PDE1C: variants seen among roughly 807,000 people sequenced by gnomAD.
The protein encoded by PDE1C is dual specificity calcium/calmodulin-dependent 3',5'-cyclic nucleotide phosphodiesterase 1C.
PDE1C carries 62 observed loss-of-function variants against 93.1 expected under a neutral mutation model. The observed-to-expected ratio is 0.67, with a 90% CI of 0.54 to 0.82. The LOEUF (loss-of-function observed/expected upper bound fraction) is 0.82. Among genes scored for constraint, PDE1C ranks in the 40% least tolerant of loss-of-function variants. The probability of loss-of-function intolerance (pLI) is 0.00; values close to 1 mark genes in which losing one functional copy is unlikely to be tolerated. For synonymous variants in PDE1C, 325 were observed against 310.1 expected, an observed-to-expected ratio of 1.05 and a Z score of -0.50; for missense variants, 742 against 884.6, an observed-to-expected ratio of 0.84 and a Z score of 2.04.
At chr7:31,774,898 A>C (rs1044160583) in intron 17 of PDE1C, among the ~76,000 whole-genome samples, 1 of 152,076 alleles carries the variant, frequency 6.6e-6, no homozygotes, top group Non-Finnish European at 1.5e-5. Flanking sequence ...CATTTTTTAA[A>C]TTTTCTTCAA....
intron 2 of PDE1C, among the ~76,000 whole-genome samples, chr7:31,961,591 T>C (rs987537306): frequency 6.6e-6 from 1 of 152,022 alleles, no homozygotes; most frequent in Non-Finnish European, 1.5e-5. Flanking sequence ...AGGAGACGGG[T>C]TGATTAGACT....
intron 13 of PDE1C, 125 bp downstream of exon 13, chr7:31,824,742 A>T (rs183268310): frequency 7.9e-7 from 1 of 1,261,530 alleles, no homozygotes; most frequent in Non-Finnish European, 1.1e-6. Context: ...AGGCAGACAA[A>T]TTTTTCTGAG....
chr7:31,915,316 T>G (rs368096485), intron 2 of PDE1C, among the ~76,000 whole-genome samples: 19 of 152,232 alleles, frequency 1.2e-4, no homozygotes, highest in African/African-American at 4.6e-4. Flanking sequence ...TGGCCTCCAG[T>G]ATTTCCAACA....
At chr7:32,423,332 G>A (rs1583437982) in intron 1 of PDE1C, among the ~76,000 whole-genome samples, 1 of 152,228 alleles carries the variant, frequency 6.6e-6, no homozygotes, top group Non-Finnish European at 1.5e-5. Flanking sequence ...AGCTGTGACT[G>A]CATCACTGCA....
the PDE1C span, among the ~76,000 whole-genome samples, chr7:31,697,519 A>G: frequency 6.6e-6 from 1 of 152,218 alleles, no homozygotes; most frequent in Non-Finnish European, 1.5e-5. Context: ...ACAGAAAAAG[A>G]GATGCAGAAA....
chr7:32,279,661 A>G (rs922443782), intron 1 of PDE1C, among the ~76,000 whole-genome samples: 1 of 152,166 alleles, frequency 6.6e-6, no homozygotes, highest in African/African-American at 2.4e-5. Flanking sequence ...AAAAGAAAAC[A>G]TAAAGGAAAG....
intron 1 of PDE1C, among the ~76,000 whole-genome samples, chr7:32,065,599 G>T (rs961103865): frequency 1.3e-5 from 2 of 152,116 alleles, no homozygotes; most frequent in African/African-American, 4.8e-5. Context: ...CAAACCCAGG[G>T]CTTAGCAAAC....
chr7:31,961,735 T>C (rs915059565), intron 2 of PDE1C, among the ~76,000 whole-genome samples: 3 of 152,190 alleles, frequency 2.0e-5, no homozygotes, highest in Non-Finnish European at 2.9e-5. Flanking sequence ...TTCCATACTA[T>C]ACATTGTGTT....
chr7:31,727,887 CA>C, the PDE1C span, among the ~76,000 whole-genome samples: 4 of 151,830 alleles, frequency 2.6e-5, no homozygotes, highest in African/African-American at 9.7e-5. Context: ...ACTAAAAATA[CA>C]AAAAAATTAG....
intron 1 of PDE1C, among the ~76,000 whole-genome samples, chr7:32,260,944 C>G (rs1451366986): frequency 6.6e-6 from 1 of 152,118 alleles, no homozygotes; most frequent in Non-Finnish European, 1.5e-5. Context: ...AACCTCATCT[C>G]TACAAAAATA....
intron 2 of PDE1C, among the ~76,000 whole-genome samples, chr7:32,175,976 T>C (rs1006496695): frequency 6.6e-6 from 1 of 152,216 alleles, no homozygotes. Flanking sequence ...ACCTGATGGA[T>C]TTACATATTT....
chr7:32,309,488 G>A (rs1813111494), intron 1 of PDE1C, among the ~76,000 whole-genome samples: 2 of 152,174 alleles, frequency 1.3e-5, no homozygotes, highest in Non-Finnish European at 2.9e-5. Flanking sequence ...AATGTTAAGG[G>A]CAGCCAGAGA....
chr7:32,420,785 G>C (rs968405176), intron 1 of PDE1C, among the ~76,000 whole-genome samples: 4 of 151,990 alleles, frequency 2.6e-5, no homozygotes, highest in Admixed American at 2.0e-4. Context: ...ATCTGAGAAG[G>C]GCAAGTTTGA....
chr7:31,924,779 T>C (rs914914149), intron 2 of PDE1C, among the ~76,000 whole-genome samples: 17 of 152,148 alleles, frequency 1.1e-4, no homozygotes, highest in African/African-American at 4.1e-4. Context: ...ATCACATTTT[T>C]CCCAGAGGGA....
At chr7:31,689,186 C>T in the PDE1C span, among the ~76,000 whole-genome samples, 14 of 152,278 alleles carry the variant, frequency 9.2e-5, no homozygotes, top group African/African-American at 2.9e-4. Context: ...GTCCACGTCC[C>T]TGTGTGAGTG....
intron 3 of PDE1C, among the ~76,000 whole-genome samples, chr7:32,087,213 A>T (rs1456168930): frequency 1.3e-5 from 2 of 149,180 alleles, no homozygotes; most frequent in African/African-American, 5.0e-5. Flanking sequence ...GACTTCTCAA[A>T]AGAAGACATT....
chr7:31,815,064 A>G (rs564840367), intron 15 of PDE1C, among the ~76,000 whole-genome samples: 1 of 152,128 alleles, frequency 6.6e-6, no homozygotes, highest in East Asian at 1.9e-4. Context: ...CCATCTGACC[A>G]GCCAGCTTCA....
At chr7:32,218,398 G>A (rs559040405) in intron 1 of PDE1C, among the ~76,000 whole-genome samples, 1 of 152,326 alleles carries the variant, frequency 6.6e-6, no homozygotes, top group East Asian at 1.9e-4. Context: ...GCACTTTCCA[G>A]ACCCTTCTCT....
At chr7:31,638,270 A>G in the PDE1C span, among the ~76,000 whole-genome samples, 1 of 152,244 alleles carries the variant, frequency 6.6e-6, no homozygotes, top group South Asian at 2.1e-4. Context: ...AAGGCAGTGA[A>G]GTCTTAAATA....
Sources: gnomAD v4.1 joint callset for allele counts (sites outside exome capture counted in the v4.1 genomes callset) on GRCh38, gnomAD v4.1.1 for gene constraint, MANE v1.5 for transcripts, NCBI Gene and HGNC (gene_info 2026-07-23, HGNC 2026-07-21) for gene names.